FMN2: variants seen among roughly 807,000 people sequenced by gnomAD.
FMN2 encodes the protein formin-2.
In FMN2, 51 loss-of-function variants were observed where a neutral mutation model predicts 142.3. The ratio of observed to expected loss-of-function variants is 0.36; its 90% confidence interval spans 0.29 to 0.45. The LOEUF (loss-of-function observed/expected upper bound fraction) is 0.45. Ranked by LOEUF, FMN2 falls within the 20% of genes least tolerant of loss-of-function variation. FMN2 has a pLI of 1.00. For missense variants in FMN2, 1,936 were observed against 2,122.8 expected (o/e 0.91, Z 1.73); for synonymous variants, 882 against 869.8 (o/e 1.01, Z -0.25).
intron 6 of FMN2, among the ~76,000 whole-genome samples, chr1:240,228,870 A>C (rs895966416): frequency 6.6e-6 from 1 of 152,178 alleles, no homozygotes; most frequent in Non-Finnish European, 1.5e-5. Flanking sequence ...TATAGGCAAG[A>C]GTTCATTAAT....
chr1:240,374,607 C>T (rs1350751475), intron 14 of FMN2, among the ~76,000 whole-genome samples: 1 of 152,152 alleles, frequency 6.6e-6, no homozygotes, highest in Non-Finnish European at 1.5e-5. Context: ...AGCTTCCTCG[C>T]CTCTCTTAGT....
intron 16 of FMN2, among the ~76,000 whole-genome samples, chr1:240,462,487 C>A (rs1558120573): frequency 6.6e-6 from 1 of 152,164 alleles, no homozygotes; most frequent in Non-Finnish European, 1.5e-5. Flanking sequence ...GTGAATTGGA[C>A]ATGCAGACAC....
chr1:240,423,850 G>A (rs915513958), intron 15 of FMN2, among the ~76,000 whole-genome samples: 1 of 152,214 alleles, frequency 6.6e-6, no homozygotes, highest in African/African-American at 2.4e-5. Context: ...TGACAGTTGA[G>A]ATAGGGAGGG....
At chr1:240,341,857 G>A (rs1671755514) in intron 13 of FMN2, among the ~76,000 whole-genome samples, 1 of 152,164 alleles carries the variant, frequency 6.6e-6, no homozygotes, top group African/African-American at 2.4e-5. Context: ...GGTCTGGGCT[G>A]GGAAGCTGTG....
In FMN2 at chr1:240,206,511, A is replaced by G; in HGVS notation, c.1987-288A>G. 1.3e-5 allele frequency among the ~76,000 whole-genome samples: 2 copies of G among 152,172 alleles called. 1 individual carries two copies. Among genetic ancestry groups the G allele is most frequent in the Non-Finnish European group, 2.9e-5 (2 of 68,034 alleles). ...GGCTATCTTAGAAATAAACTGGTTT[A>G]TCACTCAGAGCTTTCTTCCCTGTTC... On this transcript the variant is annotated intron_variant, in intron 4 of 17. Transcript: ENST00000319653.
intron 6 of FMN2, among the ~76,000 whole-genome samples, chr1:240,229,356 A>T (rs1172182405): frequency 6.6e-6 from 1 of 151,466 alleles, no homozygotes; most frequent in Non-Finnish European, 1.5e-5. Context: ...CACCTTATCC[A>T]TCTCCCTCCC....
At chr1:240,129,395 G>T (rs1462580140) in intron 2 of FMN2, among the ~76,000 whole-genome samples, 2 of 151,480 alleles carry the variant, frequency 1.3e-5, no homozygotes, top group Non-Finnish European at 2.9e-5. Context: ...GTATTAAGAT[G>T]ATACTTAATT....
intron 13 of FMN2, among the ~76,000 whole-genome samples, chr1:240,350,944 T>C (rs760235626): frequency 6.6e-6 from 1 of 152,184 alleles, no homozygotes; most frequent in Non-Finnish European, 1.5e-5. Flanking sequence ...GACAGGAAGA[T>C]ACAATGAAAT....
chr1:240,212,418 G>T (rs926873758), intron 6 of FMN2, among the ~76,000 whole-genome samples: 11 of 152,294 alleles, frequency 7.2e-5, no homozygotes, highest in Admixed American at 7.2e-4. Flanking sequence ...TTTTAGAAAT[G>T]CTTGTTGCAT....
intron 2 of FMN2, among the ~76,000 whole-genome samples, chr1:240,126,434 C>T (rs113210771): frequency 0.031 from 4,693 of 150,152 alleles, 89 homozygotes; most frequent in Admixed American, 0.05. Context: ...CCGTTCTCAT[C>T]TTTGCACTTA....
At chr1:240,094,396 G>T (rs1661127413) in intron 1 of FMN2, among the ~76,000 whole-genome samples, 1 of 152,128 alleles carries the variant, frequency 6.6e-6, no homozygotes, top group Non-Finnish European at 1.5e-5. Context: ...CAGTTTCATG[G>T]TCCAGCCCAG....
chr1:240,196,913 G>A (rs186516574), intron 4 of FMN2, among the ~76,000 whole-genome samples: 1 of 152,262 alleles, frequency 6.6e-6, no homozygotes, highest in East Asian at 1.9e-4. Context: ...TTTGTTGGAG[G>A]ATAAGATGCT....
rs772558133 is a variant in FMN2, at chr1:240,333,954, A to C, written c.4644+8A>C. On this transcript the variant is annotated splice_region_variant and intron_variant, in intron 12 of 17. Coordinates refer to ENST00000319653, the MANE Select transcript of FMN2 (RefSeq NM_020066.5). ...CTCCGAAATTTTGATGAGGTAAGAC[A>C]ATTTTTACATATAGTCATATTCCAT... The C allele has an allele frequency of 1.9e-6, 3 of 1,603,926 alleles. No homozygotes were observed. The East Asian group carries it at 6.7e-5, about 36-fold the overall frequency.
intron 2 of FMN2, among the ~76,000 whole-genome samples, chr1:240,159,970 T>TACAC (rs1221510945): frequency 1.4e-3 from 157 of 113,912 alleles, no homozygotes; most frequent in African/African-American, 4.0e-3. Flanking sequence ...TGTATATATA[T>TACAC]ATATACACAC....
intron 16 of FMN2, among the ~76,000 whole-genome samples, chr1:240,450,165 G>C (rs1225892132): frequency 2.0e-5 from 3 of 152,010 alleles, no homozygotes; most frequent in Non-Finnish European, 4.4e-5. Context: ...TAATTCTGCA[G>C]AGCCAAATAA....
chr1:240,185,097 C>G (rs1165150821), intron 3 of FMN2, among the ~76,000 whole-genome samples: 8 of 137,082 alleles, frequency 5.8e-5, no homozygotes, highest in South Asian at 2.4e-4. Flanking sequence ...CTTCCCCCTT[C>G]TCTTTCTCCC....
chr1:240,327,320 T>G (rs1671204390), intron 8 of FMN2, among the ~76,000 whole-genome samples: 1 of 152,204 alleles, frequency 6.6e-6, no homozygotes, highest in Admixed American at 6.5e-5. Context: ...AAGAAACTTC[T>G]TTTGAGACAC....
At chr1:240,472,722 G>A (rs915692140) in intron 17 of FMN2, among the ~76,000 whole-genome samples, 21 of 151,890 alleles carry the variant, frequency 1.4e-4, no homozygotes, top group Non-Finnish European at 1.0e-4. Flanking sequence ...CGAGGTGGGC[G>A]GGTCATGAGG....
At chr1:240,368,402 C>T (rs1460007584) in intron 14 of FMN2, among the ~76,000 whole-genome samples, 1 of 151,964 alleles carries the variant, frequency 6.6e-6, no homozygotes, top group African/African-American at 2.4e-5. Flanking sequence ...TAATATCTGC[C>T]CAAAAAGTTT....
Sources: allele counts gnomAD v4.1 joint callset (sites outside exome capture counted in the v4.1 genomes callset), GRCh38; gene constraint gnomAD v4.1.1; transcripts MANE v1.5; gene names NCBI Gene and HGNC (gene_info 2026-07-23, HGNC 2026-07-21).